Variants in LRRC4C observed in about 807,000 individuals in gnomAD.
LRRC4C encodes the protein leucine rich repeat containing 4C.
Under a neutral mutation model 33.6 loss-of-function variants are expected in LRRC4C, and 5 were observed. The ratio of observed to expected loss-of-function variants is 0.15; its 90% confidence interval spans 0.08 to 0.31. The LOEUF is 0.31. Ranked by LOEUF, LRRC4C falls within the 10% of genes least tolerant of loss-of-function variation. The probability of loss-of-function intolerance (pLI) is 1.00; values close to 1 mark genes in which losing one functional copy is unlikely to be tolerated. For missense variants in LRRC4C, 560 were observed against 796.7 expected (o/e 0.70, Z 3.58); for synonymous variants, 329 against 302.0 (o/e 1.09, Z -0.93).
intron 2 of LRRC4C, among the ~76,000 whole-genome samples, chr11:40,755,670 C>A (rs1591636150): frequency 6.6e-6 from 1 of 152,094 alleles, no homozygotes; most frequent in African/African-American, 2.4e-5. Context: ...AAATGTCTTA[C>A]AATGCACCGA....
chr11:40,288,688 T>G (rs917209007), intron 4 of LRRC4C, among the ~76,000 whole-genome samples: 2 of 152,204 alleles, frequency 1.3e-5, no homozygotes, highest in Non-Finnish European at 2.9e-5. Context: ...CTATATATTC[T>G]AATGAGTCTT....
chr11:40,382,989 G>A (rs1334653524), intron 3 of LRRC4C, among the ~76,000 whole-genome samples: 7 of 152,024 alleles, frequency 4.6e-5, no homozygotes, highest in South Asian at 4.2e-4. Context: ...CACCGCTCCC[G>A]GCCAACATTG....
chr11:41,303,499 C>T (rs1206206218), intron 1 of LRRC4C, among the ~76,000 whole-genome samples: 12 of 129,294 alleles, frequency 9.3e-5, no homozygotes, highest in African/African-American at 2.9e-4. Context: ...AGCCTCTGCC[C>T]GGCCGCCACC....
At chr11:40,317,012 G>T (rs1433174924) in intron 4 of LRRC4C, among the ~76,000 whole-genome samples, 4 of 151,900 alleles carry the variant, frequency 2.6e-5, no homozygotes, top group Non-Finnish European at 4.4e-5. Flanking sequence ...TTCTAAATTA[G>T]ATGAGCAAAT....
Position 41,251,371 on chromosome 11 carries a change from C to T in LRRC4C, c.-496+208060G>A, listed in dbSNP as rs190548136. On this transcript the variant is annotated intron_variant, in intron 1 of 6. Transcript: ENST00000528697. ...TGCCCTACCTCCTGAGACCTGGATTCGTCTGTTTCTTTCTCCCACAAGTCA... is the reference window on the plus strand; with the variant it reads ...TGCCCTACCTCCTGAGACCTGGATTTGTCTGTTTCTTTCTCCCACAAGTCA... Among the ~76,000 whole-genome samples the T allele has an allele frequency of 2.4e-4, 36 of 152,258 alleles. 2 individuals are homozygous for T. The East Asian group carries it at 3.1e-3, about 13-fold the overall frequency.
chr11:40,634,916 A>G (rs1325637316), intron 3 of LRRC4C, among the ~76,000 whole-genome samples: 1 of 151,826 alleles, frequency 6.6e-6, no homozygotes, highest in Non-Finnish European at 1.5e-5. Flanking sequence ...GAAAAAGGAA[A>G]TGGCTTATTT....
chr11:41,071,497 C>T (rs1453537872), intron 1 of LRRC4C, among the ~76,000 whole-genome samples: 1 of 152,148 alleles, frequency 6.6e-6, no homozygotes, highest in South Asian at 2.1e-4. Flanking sequence ...TCTTTCTCTG[C>T]TCTATAAATG....
chr11:40,257,950 G>A (rs550392690), intron 4 of LRRC4C, among the ~76,000 whole-genome samples: 4 of 152,100 alleles, frequency 2.6e-5, no homozygotes, highest in Non-Finnish European at 5.9e-5. Flanking sequence ...TATTGCTAAC[G>A]GCTATAACAG....
chr11:40,385,664 C>T (rs543926546), intron 3 of LRRC4C, among the ~76,000 whole-genome samples: 4 of 151,868 alleles, frequency 2.6e-5, no homozygotes, highest in Non-Finnish European at 5.9e-5. Context: ...GCCAAGAGAT[C>T]GAGACCATCC....
At chr11:40,520,589 G>A (rs1319362743) in intron 3 of LRRC4C, among the ~76,000 whole-genome samples, 1 of 152,036 alleles carries the variant, frequency 6.6e-6, no homozygotes, top group Non-Finnish European at 1.5e-5. Context: ...TGGGTTTGTG[G>A]TACCCCCAAA....
At chr11:40,265,094 C>T (rs778895062) in intron 4 of LRRC4C, among the ~76,000 whole-genome samples, 10 of 152,204 alleles carry the variant, frequency 6.6e-5, no homozygotes, top group Non-Finnish European at 1.5e-4. Context: ...CTCACCCCCG[C>T]TCCCACTTTT....
chr11:40,390,527 T>G (rs1382067026), intron 3 of LRRC4C, among the ~76,000 whole-genome samples: 1 of 152,214 alleles, frequency 6.6e-6, no homozygotes, highest in African/African-American at 2.4e-5. Context: ...TTGCTAACTT[T>G]TATTAAGCAT....
chr11:40,605,110 G>A (rs908504297), intron 3 of LRRC4C, among the ~76,000 whole-genome samples: 36 of 152,184 alleles, frequency 2.4e-4, no homozygotes, highest in South Asian at 1.0e-3. Context: ...TGAGTATTCC[G>A]AACATTTTTA....
At chr11:40,724,574 A>T (rs960832550) in intron 2 of LRRC4C, among the ~76,000 whole-genome samples, 1 of 152,180 alleles carries the variant, frequency 6.6e-6, no homozygotes, top group Non-Finnish European at 1.5e-5. Flanking sequence ...AGCAGAAAAC[A>T]CTACATACCA....
At chr11:41,336,574 G>A (rs1370423182) in intron 1 of LRRC4C, among the ~76,000 whole-genome samples, 1 of 152,176 alleles carries the variant, frequency 6.6e-6, no homozygotes, top group Admixed American at 6.5e-5. Flanking sequence ...TTCTGCACTG[G>A]TCCTCTATCC....
chr11:40,271,011 G>A (rs1037025614), intron 4 of LRRC4C, among the ~76,000 whole-genome samples: 1 of 152,154 alleles, frequency 6.6e-6, no homozygotes, highest in East Asian at 1.9e-4. Flanking sequence ...AAAGCAGGGT[G>A]TTGCCACAAA....
At chr11:40,500,812 A>G (rs996821092) in intron 3 of LRRC4C, among the ~76,000 whole-genome samples, 1 of 152,142 alleles carries the variant, frequency 6.6e-6, no homozygotes, top group African/African-American at 2.4e-5. Context: ...TCAAATTTCA[A>G]AACCAATCAT....
At position 40,566,086 on chromosome 11, in the gene LRRC4C, GTT is replaced by G; in HGVS notation, c.-270+82054_-270+82055del. ...TAACTGCCTTTTCTATTTTTACTAA[GTT>G]TTTTTTTTTTTTTTTTTTTTTACTT... is the stretch of plus-strand genomic sequence containing the variant. On this transcript the variant is annotated intron_variant, in intron 3 of 6. Coordinates refer to ENST00000528697, the MANE Select transcript of LRRC4C (RefSeq NM_001258419.2). 9.4e-4 allele frequency among the ~76,000 whole-genome samples: 59 copies of G among 62,774 alleles called. 1 individual carries two copies. The highest frequency in any genetic ancestry group is 4.2e-3 in the Admixed American group (20 of 4,748). 41.2% of individuals were successfully genotyped at this position (62,774 alleles called of 152,430 possible).
At chr11:41,279,217 C>T (rs1371480053) in intron 1 of LRRC4C, among the ~76,000 whole-genome samples, 1 of 152,054 alleles carries the variant, frequency 6.6e-6, no homozygotes, top group Non-Finnish European at 1.5e-5. Flanking sequence ...CATTGATGGG[C>T]ATCTAGGTTG....
Sources: gnomAD v4.1 joint callset for allele counts (sites outside exome capture counted in the v4.1 genomes callset) on GRCh38, gnomAD v4.1.1 for gene constraint, MANE v1.5 for transcripts, NCBI Gene and HGNC (gene_info 2026-07-23, HGNC 2026-07-21) for gene names.